Variants in ADGRV1 observed in about 807,000 individuals in gnomAD.
ADGRV1 encodes the protein adhesion G protein-coupled receptor V1.
ADGRV1 carries 359 observed loss-of-function variants against 596.2 expected under a neutral mutation model. The ratio of observed to expected loss-of-function variants is 0.60; its 90% CI spans 0.55 to 0.66. ADGRV1 has a LOEUF of 0.66. ADGRV1 is among the 30% of genes least tolerant of loss of function. ADGRV1 has a pLI of 0.00. For missense variants in ADGRV1, 7,274 were observed against 7,575.6 expected, an observed-to-expected ratio of 0.96 and a Z score of 1.48; for synonymous variants, 2,681 against 2,679.2, an observed-to-expected ratio of 1.00 and a Z score of -0.02.
At chr5:90,716,340 A>C in intron 42 of ADGRV1, 127 bp from the exon 43 acceptor site, 1 of 530,612 alleles carries the variant, frequency 1.9e-6, no homozygotes, top group Non-Finnish European at 3.1e-6. Context: ...GTCATTTTTA[A>C]GATCATCTTA....
Position 90,678,041 on chromosome 5 carries a change from T to C in ADGRV1, c.5444-1508T>C, listed in dbSNP as rs557088107. Among the ~76,000 whole-genome samples the C allele has an allele frequency of 4.6e-5, 7 of 152,326 alleles. No homozygotes were observed. The South Asian group carries it at 1.5e-3, about 32-fold the overall frequency. ...GTATATATGGTGTTGAACTTCTTTT[T>C]TATGACTTCTGGATAATGTGGGAGC... On this transcript the variant is annotated intron_variant, in intron 25 of 89. Coordinates refer to ENST00000405460, the MANE Select transcript of ADGRV1 (RefSeq NM_032119.4).
chr5:91,097,754 G>T (rs1791002217), intron 86 of ADGRV1, among the ~76,000 whole-genome samples: 1 of 151,818 alleles, frequency 6.6e-6, no homozygotes, highest in Non-Finnish European at 1.5e-5. Flanking sequence ...TTGTTTTTTT[G>T]ATAATAATCA....
At chr5:90,592,275 T>C (rs1397220928) in intron 1 of ADGRV1, among the ~76,000 whole-genome samples, 1 of 152,172 alleles carries the variant, frequency 6.6e-6, no homozygotes, top group Non-Finnish European at 1.5e-5. Flanking sequence ...CATGGAGGAC[T>C]CAGCCATAAA....
rs1187302912 is a variant in ADGRV1 at position 90,757,856 on chromosome 5, C to G, written c.11940+695C>G. Among the ~76,000 whole-genome samples, 3 of 152,180 alleles carry G rather than the reference C, an allele frequency of 2.0e-5. No homozygotes were observed. In the South Asian group the frequency reaches 6.2e-4, roughly 31 times the overall value. On this transcript the variant is annotated intron_variant, in intron 57 of 89. Coordinates refer to ENST00000405460, the MANE Select transcript of ADGRV1 (RefSeq NM_032119.4). ...ATGTTAGTAACTTTAACTAGCACCT[C>G]TATCTACAGGTAGCCTTATTTTGGC...
At chr5:90,871,596 A>G (rs1468061607) in intron 83 of ADGRV1, among the ~76,000 whole-genome samples, 2 of 152,240 alleles carry the variant, frequency 1.3e-5, no homozygotes, top group African/African-American at 4.8e-5. Context: ...TTACTAGGAA[A>G]ATTTGTGAGG....
At chr5:90,827,604 C>A (rs550551334) in intron 76 of ADGRV1, among the ~76,000 whole-genome samples, 30 of 152,258 alleles carry the variant, frequency 2.0e-4, no homozygotes, top group African/African-American at 7.0e-4. Context: ...CTCGCTTGGC[C>A]ATACTAGGTC....
At chr5:91,113,315 A>C (rs769514656) in intron 87 of ADGRV1, among the ~76,000 whole-genome samples, 4 of 152,202 alleles carry the variant, frequency 2.6e-5, no homozygotes, top group Non-Finnish European at 5.9e-5. Context: ...AATGCAAATG[A>C]AAAAAGCAAA....
intron 85 of ADGRV1, among the ~76,000 whole-genome samples, chr5:91,060,368 A>ATGTGTGTGTGTGTGTGTG (rs1481100763): frequency 1.3e-5 from 1 of 77,570 alleles, no homozygotes; most frequent in Admixed American, 1.2e-4. Context: ...GCAATTTTAT[A>ATGTGTGTGTGTGTGTGTG]TGTGTGTGTG....
At chr5:90,768,858 T>C (rs1316343867) in intron 59 of ADGRV1, among the ~76,000 whole-genome samples, 2 of 152,160 alleles carry the variant, frequency 1.3e-5, no homozygotes, top group Non-Finnish European at 2.9e-5. Context: ...GGAAGTGCTC[T>C]TGAGGTCAAC....
chr5:90,838,890 A>G (rs921265747), intron 77 of ADGRV1, among the ~76,000 whole-genome samples: 5 of 152,150 alleles, frequency 3.3e-5, no homozygotes, highest in African/African-American at 7.2e-5. Flanking sequence ...AACAAACAAA[A>G]AAGTCCTATT....
At chr5:91,011,525 A>G (rs1782717312) in intron 85 of ADGRV1, among the ~76,000 whole-genome samples, 1 of 151,972 alleles carries the variant, frequency 6.6e-6, no homozygotes. Context: ...TCATCTATTT[A>G]GAACATTATG....
intron 79 of ADGRV1, among the ~76,000 whole-genome samples, chr5:90,851,693 G>T (rs1314202070): frequency 6.6e-6 from 1 of 152,202 alleles, no homozygotes; most frequent in African/African-American, 2.4e-5. Flanking sequence ...GTATAAAGCA[G>T]ACTGTGGGAT....
Position 90,811,326 on chromosome 5 carries a change from G to T in ADGRV1, c.16066G>T (p.Val5356Phe), listed in dbSNP as rs748219689. The change falls in exon 74 of 90, where the codon GTT (valine) becomes TTT (phenylalanine). Residue 5356 changes from valine (V) to phenylalanine (F), a missense_variant. Transcript: ENST00000405460. ...DDTGFAAFAM[V>F]IITGSDLHNG... Reference sequence around the variant, plus strand: ...TACTGGATTTGCAGCTTTTGCCATGGTTATTATTACAGGTATATCTTTGAA... The same window carrying T: ...TACTGGATTTGCAGCTTTTGCCATGTTTATTATTACAGGTATATCTTTGAA... 1 of 1,602,426 alleles carries T rather than the reference G, an allele frequency of 6.2e-7. No individual in the cohort carries two copies. Among genetic ancestry groups the T allele is most frequent in the Non-Finnish European group, 8.5e-7 (1 of 1,174,276 alleles).
At chr5:91,087,286 TTTG>T (rs1157981411) in intron 86 of ADGRV1, among the ~76,000 whole-genome samples, 1 of 152,102 alleles carries the variant, frequency 6.6e-6, no homozygotes, top group African/African-American at 2.4e-5. Flanking sequence ...ATATAATCTT[TTTG>T]TTGTTGTTTT....
At position 90,615,364 on chromosome 5, in the gene ADGRV1, A is replaced by G. The variant is rs1314789514; in HGVS notation, c.207+345A>G. Among the ~76,000 whole-genome samples, 5 of 151,850 alleles carry G rather than the reference A, an allele frequency of 3.3e-5. No homozygotes were observed. In the East Asian group the frequency reaches 9.6e-4, roughly 29 times the overall value. On this transcript the variant is annotated intron_variant, in intron 2 of 89. Coordinates refer to ENST00000405460, the MANE Select transcript of ADGRV1 (RefSeq NM_032119.4). Reference sequence around the variant, plus strand: ...TTGTAAGGTGGTGTAGAGAAAACGTATGGAATATTTAAAAGTAGAGAAACG... The same window carrying G: ...TTGTAAGGTGGTGTAGAGAAAACGTGTGGAATATTTAAAAGTAGAGAAACG...
chr5:90,679,566 G>A lies in ADGRV1; in HGVS notation c.5461G>A (p.Val1821Ile). 2 of 1,613,438 alleles carry A rather than the reference G, an allele frequency of 1.2e-6. No individual in the cohort carries two copies. Among genetic ancestry groups the A allele is most frequent in the Non-Finnish European group, 8.5e-7 (1 of 1,179,518 alleles). Residue 1821 changes from valine (V) to isoleucine (I), a missense_variant, in exon 26 of 90, where the codon GTT becomes ATT. Val to Ile is a conservative substitution (Grantham distance 29). Around this residue, in one of 5 missense-constraint regions of ADGRV1, gnomAD observed 3,643 missense variants for 3,809.2 expected, o/e 0.96. Coordinates refer to ENST00000405460, the MANE Select transcript of ADGRV1 (RefSeq NM_032119.4). ...TTGTGAAGTAGCTGAACTCTTTAGGGTTGATGGAAGTGGTAGTGGTGATGG... is the reference window on the plus strand; with the variant it reads ...TTGTGAAGTAGCTGAACTCTTTAGGATTGATGGAAGTGGTAGTGGTGATGG... ...LEGGVAELFR[V>I]DGSGSGDGDM...
At chr5:90,719,933 A>C (rs1162274715) in intron 43 of ADGRV1, 115 bp from the exon 44 acceptor site, 4 of 768,532 alleles carry the variant, frequency 5.2e-6, no homozygotes, top group Non-Finnish European at 8.9e-6. Context: ...TCAAAGTGAG[A>C]TGATATTTTT....
At chr5:91,107,193 GA>G (rs1554225464) in intron 87 of ADGRV1, among the ~76,000 whole-genome samples, 1 of 116,322 alleles carries the variant, frequency 8.6e-6, no homozygotes, top group Non-Finnish European at 1.8e-5. Context: ...TACAGTTTGA[GA>G]AAAAAAAGTG....
intron 1 of ADGRV1, among the ~76,000 whole-genome samples, chr5:90,611,800 T>A (rs561908284): frequency 6.6e-6 from 1 of 152,000 alleles, no homozygotes; most frequent in South Asian, 2.1e-4. Context: ...CTGAGTTTAA[T>A]TTAAAAAAAG....
Sources: gnomAD v4.1 joint callset for allele counts (sites outside exome capture counted in the v4.1 genomes callset) on GRCh38, gnomAD v4.1.1 for gene constraint, gnomAD v4.1.1 regional missense constraint, MANE v1.5 for transcripts, NCBI Gene and HGNC (gene_info 2026-07-23, HGNC 2026-07-21) for gene names.